Variants in FAM171A1 observed in about 807,000 individuals in gnomAD.
FAM171A1 encodes protein FAM171A1.
In FAM171A1, 23 loss-of-function variants were observed where a neutral mutation model predicts 74.9. The observed-to-expected ratio is 0.31, with a 90% CI of 0.22 to 0.44. The LOEUF is 0.44. FAM171A1 is among the 20% of genes least tolerant of loss of function. FAM171A1 has a pLI of 1.00. For missense variants in FAM171A1, 1,162 were observed against 1,159.2 expected, an observed-to-expected ratio of 1.00 and a Z score of -0.03; for synonymous variants, 527 against 505.7, an observed-to-expected ratio of 1.04 and a Z score of -0.57.
chr10:15,367,495 G>A (rs767262070), intron 1 of FAM171A1, among the ~76,000 whole-genome samples: 43 of 152,138 alleles, frequency 2.8e-4, no homozygotes, highest in Non-Finnish European at 4.1e-4. Context: ...CAGCTCCTGC[G>A]GTTTCCCAGG....
At chr10:15,309,698 T>A (rs1297911564) in intron 1 of FAM171A1, among the ~76,000 whole-genome samples, 1 of 152,262 alleles carries the variant, frequency 6.6e-6, no homozygotes, top group African/African-American at 2.4e-5. Context: ...ACAAAGTATT[T>A]GGAGGGGAAG....
chr10:15,233,688 G>A (rs958967055), intron 5 of FAM171A1, among the ~76,000 whole-genome samples: 1 of 152,252 alleles, frequency 6.6e-6, no homozygotes, highest in African/African-American at 2.4e-5. Context: ...TGGATCATGA[G>A]GTCAGGAGAT....
intron 5 of FAM171A1, among the ~76,000 whole-genome samples, chr10:15,221,414 G>C (rs1177273075): frequency 6.6e-6 from 1 of 152,194 alleles, no homozygotes; most frequent in African/African-American, 2.4e-5. Flanking sequence ...GGAGTGAAAA[G>C]AGAGGGGGAA....
At chr10:15,356,122 T>C (rs1835929225) in intron 1 of FAM171A1, among the ~76,000 whole-genome samples, 1 of 152,020 alleles carries the variant, frequency 6.6e-6, no homozygotes, top group Admixed American at 6.6e-5. Context: ...TTTCTAACAA[T>C]GCTTCCACAT....
chr10:15,227,760 C>G (rs1295460144), intron 5 of FAM171A1, among the ~76,000 whole-genome samples: 1 of 152,206 alleles, frequency 6.6e-6, no homozygotes, highest in Non-Finnish European at 1.5e-5. Context: ...ATTTGTTGAA[C>G]TATCTTACTA....
intron 2 of FAM171A1, among the ~76,000 whole-genome samples, chr10:15,279,243 T>A (rs1834935586): frequency 6.6e-6 from 1 of 152,226 alleles, no homozygotes; most frequent in Non-Finnish European, 1.5e-5. Flanking sequence ...CTCTGGCAAA[T>A]TGTTTCTCAA....
At chr10:15,264,279 G>C (rs1451960587) in intron 3 of FAM171A1, among the ~76,000 whole-genome samples, 1 of 152,124 alleles carries the variant, frequency 6.6e-6, no homozygotes, top group African/African-American at 2.4e-5. Context: ...ACTGTGCCTG[G>C]CCCAGGCTTT....
At chr10:15,277,320 T>A (rs182019582) in intron 2 of FAM171A1, among the ~76,000 whole-genome samples, 13 of 151,938 alleles carry the variant, frequency 8.6e-5, no homozygotes, top group Admixed American at 2.6e-4. Context: ...CAGGTTCAAG[T>A]GATTCTCCTG....
At chr10:15,266,725 TG>T (rs1383405043) in intron 3 of FAM171A1, among the ~76,000 whole-genome samples, 3 of 151,860 alleles carry the variant, frequency 2.0e-5, no homozygotes, top group African/African-American at 7.3e-5. Flanking sequence ...ATAAATCATT[TG>T]GGCATTGTGG....
intron 1 of FAM171A1, among the ~76,000 whole-genome samples, chr10:15,305,664 TAAAAAAAA>T (rs59843893): frequency 3.2e-4 from 17 of 52,940 alleles, no homozygotes; most frequent in Admixed American, 9.5e-4. Flanking sequence ...GAGATCTGGC[TAAAAAAAA>T]AAAAAAAAAA....
At chr10:15,250,032 G>A (rs999430626) in intron 4 of FAM171A1, among the ~76,000 whole-genome samples, 1 of 152,164 alleles carries the variant, frequency 6.6e-6, no homozygotes, top group Non-Finnish European at 1.5e-5. Context: ...ACCAAACTGA[G>A]CTGATGTAAA....
chr10:15,348,284 T>C (rs969697713), intron 1 of FAM171A1, among the ~76,000 whole-genome samples: 2 of 149,590 alleles, frequency 1.3e-5, no homozygotes, highest in African/African-American at 4.9e-5. Context: ...TGGCCAAGAA[T>C]GACATTTTCT....
intron 1 of FAM171A1, among the ~76,000 whole-genome samples, chr10:15,299,948 T>A (rs1199284598): frequency 2.1e-5 from 3 of 143,192 alleles, no homozygotes; most frequent in African/African-American, 7.8e-5. Context: ...GGCAACAGAG[T>A]GAGACTCCAT....
At chr10:15,370,276 C>T (rs1467509686) in intron 1 of FAM171A1, among the ~76,000 whole-genome samples, 4 of 143,922 alleles carry the variant, frequency 2.8e-5, no homozygotes, top group Non-Finnish European at 6.0e-5. Context: ...GCGATGAGGG[C>T]CTCCCAGTTC....
chr10:15,335,796 AG>A (rs1835693271), intron 1 of FAM171A1, among the ~76,000 whole-genome samples: 1 of 152,204 alleles, frequency 6.6e-6, no homozygotes, highest in South Asian at 2.1e-4. Flanking sequence ...ATGAAAATGG[AG>A]TAAAAATGTG....
chr10:15,301,931 A>T (rs147545198), intron 1 of FAM171A1, among the ~76,000 whole-genome samples: 68 of 152,340 alleles, frequency 4.5e-4, no homozygotes, highest in African/African-American at 1.6e-3. Flanking sequence ...TTAGGCAGGA[A>T]AGGAGTGGAC....
At chr10:15,341,832 CAG>C (rs1476543365) in intron 1 of FAM171A1, among the ~76,000 whole-genome samples, 1 of 152,204 alleles carries the variant, frequency 6.6e-6, no homozygotes, top group Non-Finnish European at 1.5e-5. Context: ...ACTGCCTAGA[CAG>C]AGGGAGACTC....
At chr10:15,371,679 G>A (rs1836152374), upstream of FAM171A1, among the ~76,000 whole-genome samples, 1 of 152,218 alleles carries the variant, frequency 6.6e-6, no homozygotes, top group African/African-American at 2.4e-5. Flanking sequence ...CAGTACCTAC[G>A]TGTTGGCGGG....
At chr10:15,335,463 G>A (rs1835690042) in intron 1 of FAM171A1, among the ~76,000 whole-genome samples, 1 of 152,034 alleles carries the variant, frequency 6.6e-6, no homozygotes, top group African/African-American at 2.4e-5. Context: ...AAAAGAAAAG[G>A]TTTTCTGGTA....
Sources: allele counts gnomAD v4.1 joint callset (sites outside exome capture counted in the v4.1 genomes callset), GRCh38; gene constraint gnomAD v4.1.1; transcripts MANE v1.5; gene names NCBI Gene and HGNC (gene_info 2026-07-23, HGNC 2026-07-21).